Variants in BABAM2 observed in about 807,000 individuals in gnomAD.
BABAM2 encodes the protein BRISC and BRCA1-A complex member 2.
In BABAM2, 31 loss-of-function variants were observed where a neutral mutation model predicts 54.7. That is an observed-to-expected ratio of 0.57 (90% confidence interval 0.43 to 0.77). The LOEUF is 0.77. BABAM2 is among the 30% of genes least tolerant of loss of function. The pLI, the probability that BABAM2 is intolerant of heterozygous loss-of-function variation, is 0.00. For missense variants in BABAM2, 364 were observed against 455.8 expected, an observed-to-expected ratio of 0.80 and a Z score of 1.83; for synonymous variants, 167 against 162.9, an observed-to-expected ratio of 1.03 and a Z score of -0.19.
intron 10 of BABAM2, among the ~76,000 whole-genome samples, chr2:28,271,267 A>C (rs928030502): frequency 1.3e-5 from 2 of 152,226 alleles, no homozygotes; most frequent in African/African-American, 4.8e-5. Context: ...TTGTAAATGC[A>C]AGGTGGTCGA....
chr2:28,106,770 G>A (rs551866794), intron 6 of BABAM2, among the ~76,000 whole-genome samples: 2 of 152,224 alleles, frequency 1.3e-5, no homozygotes, highest in East Asian at 1.9e-4. Context: ...AAGGTCCTTT[G>A]AAACCACCCA....
intron 7 of BABAM2, among the ~76,000 whole-genome samples, chr2:28,209,882 T>C (rs1679263765): frequency 6.6e-6 from 1 of 152,158 alleles, no homozygotes; most frequent in Non-Finnish European, 1.5e-5. Flanking sequence ...TCTTAAACTC[T>C]AAGGTTAGAT....
chr2:28,121,418 G>A (rs4401177), intron 6 of BABAM2, among the ~76,000 whole-genome samples: 12,859 of 152,142 alleles, frequency 0.085, 684 homozygotes, highest in Non-Finnish European at 0.12. Flanking sequence ...CACTTTCCTT[G>A]TTCTTGACTA....
At chr2:28,266,798 G>C (rs1336148049) in intron 10 of BABAM2, among the ~76,000 whole-genome samples, 1 of 152,218 alleles carries the variant, frequency 6.6e-6, no homozygotes, top group Non-Finnish European at 1.5e-5. Flanking sequence ...TACCATATAA[G>C]TCTTTCATGG....
intron 6 of BABAM2, among the ~76,000 whole-genome samples, chr2:28,121,666 TC>T (rs1319261532): frequency 6.6e-6 from 1 of 152,200 alleles, no homozygotes; most frequent in East Asian, 1.9e-4. Context: ...TCCTCCTCAT[TC>T]CTTATCTTCT....
intron 5 of BABAM2, among the ~76,000 whole-genome samples, chr2:28,032,459 A>G (rs1016288208): frequency 2.0e-5 from 3 of 152,110 alleles, no homozygotes; most frequent in Non-Finnish European, 2.9e-5. Flanking sequence ...CTGAACCTCC[A>G]TTTAGAAGTT....
chr2:27,961,999 A>G (rs2148430809), intron 3 of BABAM2, among the ~76,000 whole-genome samples: 1 of 152,108 alleles, frequency 6.6e-6, no homozygotes, highest in South Asian at 2.1e-4. Flanking sequence ...CAAAATAGTG[A>G]GATTACAGGC....
intron 10 of BABAM2, among the ~76,000 whole-genome samples, chr2:28,252,792 G>GT (rs1356170299): frequency 6.6e-6 from 1 of 152,200 alleles, no homozygotes; most frequent in African/African-American, 2.4e-5. Flanking sequence ...AATCTTTTCA[G>GT]TTGTAATTAT....
At chr2:27,963,100 A>G (rs560715083) in intron 3 of BABAM2, among the ~76,000 whole-genome samples, 4 of 152,330 alleles carry the variant, frequency 2.6e-5, no homozygotes, top group Admixed American at 6.5e-5. Flanking sequence ...TTACCACAGT[A>G]ATCATCTGGT....
At chr2:28,181,796 A>ATTT (rs1558412811) in intron 7 of BABAM2, among the ~76,000 whole-genome samples, 4 of 150,928 alleles carry the variant, frequency 2.7e-5, no homozygotes, top group Admixed American at 6.6e-5. Flanking sequence ...TTTTTTTTTA[A>ATTT]AAAAAAAAGA....
At chr2:28,265,873 C>T (rs1684941481) in intron 10 of BABAM2, among the ~76,000 whole-genome samples, 1 of 152,138 alleles carries the variant, frequency 6.6e-6, no homozygotes, top group South Asian at 2.1e-4. Context: ...AGTCCCATCC[C>T]CACCTGTTCC....
At chr2:28,124,808 A>G (rs1345508608) in intron 6 of BABAM2, among the ~76,000 whole-genome samples, 3 of 152,200 alleles carry the variant, frequency 2.0e-5, no homozygotes, top group Non-Finnish European at 4.4e-5. Context: ...GAGGTATTGC[A>G]AATCTACAAT....
At chr2:28,294,278 G>C (rs992803371) in intron 10 of BABAM2, among the ~76,000 whole-genome samples, 1 of 151,992 alleles carries the variant, frequency 6.6e-6, no homozygotes, top group Non-Finnish European at 1.5e-5. Flanking sequence ...TACTTGGGAG[G>C]CTGAGGCAAG....
intron 4 of BABAM2, among the ~76,000 whole-genome samples, chr2:27,990,922 C>T (rs1006122243): frequency 4.6e-5 from 7 of 151,912 alleles, no homozygotes; most frequent in African/African-American, 7.3e-5. Flanking sequence ...GAATATGTGA[C>T]GTGCTGTGAT....
intron 6 of BABAM2, among the ~76,000 whole-genome samples, chr2:28,091,857 A>G (rs1666184656): frequency 6.6e-6 from 1 of 152,180 alleles, no homozygotes; most frequent in South Asian, 2.1e-4. Flanking sequence ...ATTACCTTAC[A>G]CATAAAATGT....
chr2:27,897,675 TG>T (rs1314438984), intron 2 of BABAM2, among the ~76,000 whole-genome samples: 2 of 152,130 alleles, frequency 1.3e-5, no homozygotes, highest in African/African-American at 2.4e-5. Context: ...TTAGAATTTT[TG>T]CCATTTAGTC....
chr2:28,032,206 T>C (rs1255119822), intron 5 of BABAM2, among the ~76,000 whole-genome samples: 9 of 152,204 alleles, frequency 5.9e-5, no homozygotes, highest in Admixed American at 5.9e-4. Context: ...TCTTTACTGT[T>C]GTCATCACTG....
intron 3 of BABAM2, among the ~76,000 whole-genome samples, chr2:27,947,426 T>C (rs1669379048): frequency 6.6e-6 from 1 of 152,140 alleles, no homozygotes; most frequent in East Asian, 1.9e-4. Context: ...CTAACAATAT[T>C]ATATACTTCT....
intron 4 of BABAM2, among the ~76,000 whole-genome samples, chr2:28,023,196 T>C (rs1340294845): frequency 6.6e-6 from 1 of 152,224 alleles, no homozygotes; most frequent in African/African-American, 2.4e-5. Flanking sequence ...CCAACTTATA[T>C]GTTTTTATAA....
Sources: allele counts gnomAD v4.1 joint callset (sites outside exome capture counted in the v4.1 genomes callset), GRCh38; gene constraint gnomAD v4.1.1; transcripts MANE v1.5; gene names NCBI Gene and HGNC (gene_info 2026-07-23, HGNC 2026-07-21).